ZNF148: variants seen among roughly 807,000 people sequenced by gnomAD.
ZNF148 encodes Beta-Enolase Repressor Factor-1.
In ZNF148, 7 loss-of-function variants were observed where a neutral mutation model predicts 67.7. The observed-to-expected ratio is 0.10, with a 90% CI of 0.06 to 0.19. ZNF148 has a LOEUF of 0.19. ZNF148 is among the 10% of genes least tolerant of loss of function. The pLI, the probability that ZNF148 is intolerant of heterozygous loss-of-function variation, is 1.00. For synonymous variants in ZNF148, 333 were observed against 330.7 expected, an observed-to-expected ratio of 1.01 and a Z score of -0.08; for missense variants, 583 against 947.1, an observed-to-expected ratio of 0.62 and a Z score of 5.05.
At chr3:125,257,558 TAAAAAAAA>T (rs747363908) in intron 7 of ZNF148, among the ~76,000 whole-genome samples, 1 of 92,350 alleles carries the variant, frequency 1.1e-5, no homozygotes, top group South Asian at 4.1e-4. Context: ...CCGTCTCTAT[TAAAAAAAA>T]AAAAAAAAAA....
At chr3:125,259,543 C>T (rs1661513441) in intron 7 of ZNF148, among the ~76,000 whole-genome samples, 1 of 152,148 alleles carries the variant, frequency 6.6e-6, no homozygotes, top group Non-Finnish European at 1.5e-5. Flanking sequence ...GCAAGTCACA[C>T]AAATTTTTTT....
intron 4 of ZNF148, chr3:125,292,587 T>A (rs187986236): frequency 1.3e-5 from 2 of 152,332 alleles, no homozygotes; most frequent in Non-Finnish European, 2.9e-5. Flanking sequence ...ATCCTTCCAG[T>A]AATATGTGCC....
At chr3:125,365,675 A>G (rs560802912) in intron 1 of ZNF148, among the ~76,000 whole-genome samples, 9 of 152,222 alleles carry the variant, frequency 5.9e-5, no homozygotes, top group African/African-American at 1.4e-4. Flanking sequence ...AAAATTAGCC[A>G]GGCGTGGTGG....
At chr3:125,374,812 T>G (rs1943009649) in intron 1 of ZNF148, among the ~76,000 whole-genome samples, 1 of 151,318 alleles carries the variant, frequency 6.6e-6, no homozygotes, top group Middle Eastern at 3.4e-3. Flanking sequence ...CCTCCTCCCC[T>G]ACCTCTGACA....
chr3:125,356,863 G>A (rs551404061), intron 1 of ZNF148: 1 of 152,268 alleles, frequency 6.6e-6, no homozygotes, highest in South Asian at 2.1e-4. Flanking sequence ...AAAGGCCTTA[G>A]GATTGTTCTT....
chr3:125,303,406 C>T (rs1354411523), intron 4 of ZNF148, among the ~76,000 whole-genome samples: 1 of 152,166 alleles, frequency 6.6e-6, no homozygotes, highest in Non-Finnish European at 1.5e-5. Flanking sequence ...AGGAGGTGAG[C>T]GGCCAGTGAG....
intron 2 of ZNF148, among the ~76,000 whole-genome samples, chr3:125,328,764 A>C (rs1187671846): frequency 1.3e-5 from 2 of 152,078 alleles, no homozygotes; most frequent in African/African-American, 4.8e-5. Flanking sequence ...GGCCAATAAT[A>C]ATGGAGAAAA....
chr3:125,269,519 T>C (rs1487184092), intron 7 of ZNF148, among the ~76,000 whole-genome samples: 1 of 150,882 alleles, frequency 6.6e-6, no homozygotes, highest in Non-Finnish European at 1.5e-5. Context: ...TAGACGTGAA[T>C]TATTTCAGCG....
At chr3:125,348,896 C>T (rs1942041957) in intron 1 of ZNF148, among the ~76,000 whole-genome samples, 1 of 152,000 alleles carries the variant, frequency 6.6e-6, no homozygotes, top group Non-Finnish European at 1.5e-5. Context: ...ACATACAGAC[C>T]AATGGAACAG....
intron 4 of ZNF148, among the ~76,000 whole-genome samples, chr3:125,298,950 A>C (rs1939439682): frequency 6.6e-6 from 1 of 152,182 alleles, no homozygotes; most frequent in Non-Finnish European, 1.5e-5. Flanking sequence ...ATATATCCAA[A>C]ATGTATTAGA....
Position 125,231,356 on chromosome 3 carries a change from A to G in ZNF148, c.*985T>C, listed in dbSNP as rs1935846919. 1 of 152,566 alleles carries G rather than the reference A, an allele frequency of 6.6e-6. No individual in the cohort carries two copies. Among genetic ancestry groups the G allele is most frequent in the African/African-American group, 2.4e-5 (1 of 41,448 alleles). 9.5% of individuals were successfully genotyped at this position (152,566 alleles called of 1,614,324 possible). ...GAGATGATTATGACACAACCATATC[A>G]AACCTAAAAATCTAATTTTTTTTTT... is the stretch of plus-strand genomic sequence containing the variant. On this transcript the variant is annotated 3_prime_UTR_variant, in exon 9 of 9. Transcript: ENST00000360647.
chr3:125,310,278 T>C (rs1438858455), intron 4 of ZNF148, among the ~76,000 whole-genome samples: 1 of 151,874 alleles, frequency 6.6e-6, no homozygotes, highest in East Asian at 1.9e-4. Flanking sequence ...TGGGGTTTTG[T>C]CATGTTGCCC....
At chr3:125,302,731 T>C (rs1273643130) in intron 4 of ZNF148, among the ~76,000 whole-genome samples, 1 of 152,182 alleles carries the variant, frequency 6.6e-6, no homozygotes, top group Non-Finnish European at 1.5e-5. Context: ...AAATTCAAAA[T>C]ATACTGTTAA....
chr3:125,336,173 C>T (rs1000098168), intron 1 of ZNF148, among the ~76,000 whole-genome samples: 4 of 152,102 alleles, frequency 2.6e-5, no homozygotes, highest in African/African-American at 9.7e-5. Context: ...TGAGCACTAC[C>T]AAATAAAAAG....
In ZNF148 at chr3:125,232,442, T is replaced by G. The variant is rs774546187; in HGVS notation, c.2284A>C (p.Thr762Pro). The change falls in exon 9 of 9, where the codon ACA (threonine) becomes CCA (proline). Residue 762 changes from threonine to proline, a missense_variant. Around this residue, in one of 5 missense-constraint regions of ZNF148, gnomAD observed 158 missense variants for 208.4 expected, o/e 0.76. Coordinates refer to ENST00000360647, the MANE Select transcript of ZNF148 (RefSeq NM_021964.3). This position sits in a 1 kb window ranked among gnomAD's most constrained non-coding sequence, Gnocchi z 4.2. ...GGAAATTCTGAAAATTCAGCACTTG[T>G]CCCTGGTCCCCGAAGGTTCACCTGT... ...NGQVNLRGPG[T>P]SAEFSEFPLV... 1 of 1,613,660 alleles carries G rather than the reference T, an allele frequency of 6.2e-7. No individual in the cohort carries two copies.
chr3:125,353,647 G>C (rs1182195790), intron 1 of ZNF148, among the ~76,000 whole-genome samples: 1 of 151,980 alleles, frequency 6.6e-6, no homozygotes, highest in African/African-American at 2.4e-5. Context: ...TAGGGACAGA[G>C]TTTCGCCATG....
chr3:125,247,482 GC>G (rs2107540251), intron 7 of ZNF148, among the ~76,000 whole-genome samples: 1 of 152,148 alleles, frequency 6.6e-6, no homozygotes, highest in Admixed American at 6.5e-5. Context: ...TGTCAACCAG[GC>G]TAGAGTGCAG....
chr3:125,340,624 C>T (rs1472659339), intron 1 of ZNF148, among the ~76,000 whole-genome samples: 1 of 152,168 alleles, frequency 6.6e-6, no homozygotes, highest in Non-Finnish European at 1.5e-5. Flanking sequence ...TAAACTGCCA[C>T]TAGAACCACA....
In ZNF148 at chr3:125,313,627, T is replaced by C. The variant is rs138991650; in HGVS notation, c.14A>G (p.Asp5Gly). ...TTTAAGAAACAATCCTTCCAGTTTG[T>C]CGTCAATGTTCATGCTTAAGTATAA... The part of the protein sequence containing the change: MNID[D>G]KLEGLFLKCG... The change falls in exon 4 of 9, where the codon GAC becomes GGC. Residue 5 changes from aspartate to glycine, a missense_variant. This residue lies in a region of ZNF148 where 150 missense variants were observed against 202.5 expected (regional missense o/e 0.74). Transcript: ENST00000360647. 5.6e-6 allele frequency: 9 copies of C among 1,612,414 alleles called. No homozygotes were observed. Among genetic ancestry groups the C allele is most frequent in the South Asian group, 3.3e-5 (3 of 91,038 alleles).
Sources: allele counts gnomAD v4.1 joint callset (sites outside exome capture counted in the v4.1 genomes callset), GRCh38; gene constraint gnomAD v4.1.1; regional missense constraint gnomAD v4.1.1; non-coding constraint Gnocchi (gnomAD v3.1); transcripts MANE v1.5; gene names NCBI Gene and HGNC (gene_info 2026-07-23, HGNC 2026-07-21).